Variants in ISG20L2 observed in about 807,000 individuals in gnomAD.
The protein encoded by ISG20L2 is interferon stimulated exonuclease gene 20 like 2.
In ISG20L2, 14 loss-of-function variants were observed where a neutral mutation model predicts 27.8. That is an observed-to-expected ratio of 0.50 (90% CI 0.33 to 0.79). The LOEUF (loss-of-function observed/expected upper bound fraction) is 0.79, where lower values mean the gene tolerates loss of function less well. Among genes scored for constraint, ISG20L2 ranks in the 30% least tolerant of loss-of-function variants. The pLI is 0.02. For synonymous variants in ISG20L2, 157 were observed against 165.7 expected, an observed-to-expected ratio of 0.95 and a Z score of 0.40; for missense variants, 393 against 435.1, an observed-to-expected ratio of 0.90 and a Z score of 0.86.
At chr1:156,728,262 C>T in intron 1 of ISG20L2, 153 bp downstream of exon 1, 1 of 986,046 alleles carries the variant, frequency 1.0e-6, no homozygotes, top group African/African-American at 1.7e-5. Context: ...GGGGCAATCT[C>T]CGCATGCATC....
intron 2 of ISG20L2, chr1:156,725,440 G>A (rs1248154695): frequency 3.9e-5 from 6 of 152,164 alleles, no homozygotes; most frequent in Admixed American, 1.3e-4. Context: ...GAGGACAACC[G>A]AAGAACACAC....
rs781698454 is a variant in ISG20L2 at position 156,727,568 on chromosome 1, CA to C, written c.84del (p.Phe28LeufsTer8). 8 of 1,614,064 alleles carry C rather than the reference CA, an allele frequency of 5.0e-6. No homozygotes were observed. The Admixed American group carries it at 1.0e-4, about 20-fold the overall frequency. On this transcript the variant is annotated frameshift_variant, in exon 2 of 4. Transcript: ENST00000368219. LOFTEE classifies it high-confidence loss of function. Reference protein sequence around the residue: ...ALEGNAKHRNFVKKRRLLERR... With the variant: ...ALEGNAKHRNXVKKRRLLERR... ...CGTTCTAAGAGCCTCCGCTTCTTGA[CA>C]AAATTTCGGTGCTTGGCATTTCCTT...
Position 156,728,533 on chromosome 1 carries a change from C to G in ISG20L2, c.-236G>C. 1 of 985,528 alleles carries G rather than the reference C, an allele frequency of 1.0e-6. No homozygotes were observed. The highest frequency in any genetic ancestry group is 1.2e-6 in the Non-Finnish European group (1 of 829,910). The allele number at this position is 985,528 out of a possible 1,614,324, so 61.0% of individuals were successfully genotyped here. A position where few individuals can be genotyped will look rare whatever the true frequency, so the allele number is the denominator to read the frequency against. ...TTAGAACGCGCCAGAGGTCGGCGCGCGCACACCCGCACCGCCCCGACCCCA... is the reference window on the plus strand; with the variant it reads ...TTAGAACGCGCCAGAGGTCGGCGCGGGCACACCCGCACCGCCCCGACCCCA... On this transcript the variant is annotated 5_prime_UTR_variant, in exon 1 of 4. Transcript: ENST00000368219.
intron 3 of ISG20L2, chr1:156,723,697 G>A (rs1648632116): frequency 4.1e-6 from 4 of 985,354 alleles, no homozygotes; most frequent in Non-Finnish European, 1.2e-6. Flanking sequence ...GTATGTATAA[G>A]CCATATTAGG....
chr1:156,727,086 T>C lies in ISG20L2; in HGVS notation c.567A>G (p.Thr189=), dbSNP rs1648810994. 1.2e-6 allele frequency: 2 copies of C among 1,614,236 alleles called. No homozygotes were observed. Among genetic ancestry groups the C allele is most frequent in the African/African-American group, 2.7e-5 (2 of 75,052 alleles). ...AGGAACTAACATGCCCCTTTGGTCC[T>C]GTGCCCACCATCTCACAGTCAATTG... ...MVAIDCEMVG[T]GPKGHVSSLA... Residue 189 remains threonine (T), a synonymous_variant, in exon 2 of 4, where the codon ACA becomes ACG. Transcript: ENST00000368219.
chr1:156,724,320 A>G lies in ISG20L2; in HGVS notation c.776T>C (p.Val259Ala), dbSNP rs1648663562. 3 of 1,612,618 alleles carry G rather than the reference A, an allele frequency of 1.9e-6. No individual in the cohort carries two copies. Among genetic ancestry groups the G allele is most frequent in the Non-Finnish European group, 2.5e-6 (3 of 1,178,772 alleles). The change falls in exon 3 of 4, where the codon GTG becomes GCG. Residue 259 changes from valine (V) to alanine (A), a missense_variant. By Grantham distance (64) the Val-to-Ala change is moderately conservative. Coordinates refer to ENST00000368219, the MANE Select transcript of ISG20L2 (RefSeq NM_001370150.2). Reference protein sequence around the residue: ...QILKILTGKIVVGHAIHNDFK... With the variant: ...QILKILTGKIAVGHAIHNDFK... ...GTCGTTGTGGATGGCATGCCCCACC[A>G]CTATCTTCCCTGTGAGTATCTTCAA...
rs1648874728 is a variant in ISG20L2, at chr1:156,727,877, T to C, written c.-117-108A>G. On this transcript the variant is annotated intron_variant, in intron 1 of 3. Transcript: ENST00000368219. Reference sequence around the variant, plus strand: ...GAAGGAAAGACATCAGAGCAATCTCTCAGACAGAGGGGAAATGAAAACATA... The same window carrying C: ...GAAGGAAAGACATCAGAGCAATCTCCCAGACAGAGGGGAAATGAAAACATA... 1.1e-5 allele frequency: 15 copies of C among 1,318,990 alleles called. No individual in the cohort carries two copies. In the South Asian group the frequency reaches 3.2e-4, roughly 28 times the overall value. The allele number at this position is 1,318,990 out of a possible 1,614,324, so 81.7% of individuals were successfully genotyped here. A position where few individuals can be genotyped will look rare whatever the true frequency, so the allele number is the denominator to read the frequency against.
intron 1 of ISG20L2, chr1:156,728,195 C>T: frequency 1.0e-6 from 1 of 986,146 alleles, no homozygotes; most frequent in Non-Finnish European, 1.2e-6. Flanking sequence ...GCAGCGTGGA[C>T]CACCAATAGA....
chr1:156,725,133 G>A (rs1162887275), intron 2 of ISG20L2: 1 of 152,114 alleles, frequency 6.6e-6, no homozygotes, highest in African/African-American at 2.4e-5. Context: ...TGTATTTTTA[G>A]TAGAGACGGA....
At chr1:156,726,134 T>C in intron 2 of ISG20L2, 1 of 985,456 alleles carries the variant, frequency 1.0e-6, no homozygotes, top group South Asian at 4.7e-5. Context: ...GTTTATGCCG[T>C]TCACTGGTTA....
Position 156,727,616 on chromosome 1 carries a change from G to T in ISG20L2, c.37C>A (p.Pro13Thr), listed in dbSNP as rs1344079129. 2 of 1,613,826 alleles carry T rather than the reference G, an allele frequency of 1.2e-6. No homozygotes were observed. Among genetic ancestry groups the T allele is most frequent in the Non-Finnish European group, 8.5e-7 (1 of 1,179,982 alleles). The change falls in exon 2 of 4, where the codon CCT (proline) becomes ACT (threonine). Residue 13 changes from proline (P) to threonine (T), a missense_variant. Physicochemically the swap from Pro to Thr is conservative, Grantham distance 38 (BLOSUM62 -1). This residue lies in a region of ISG20L2 where 183 missense variants were observed against 168.2 expected (regional missense o/e 1.09). Coordinates refer to ENST00000368219, the MANE Select transcript of ISG20L2 (RefSeq NM_001370150.2). Reference sequence around the variant, plus strand: ...CCTTCTAATGCCTTTTTGGGAGGAGGTTCCCCAAAATCCAGATTGAGCAGT... The same window carrying T: ...CCTTCTAATGCCTTTTTGGGAGGAGTTTCCCCAAAATCCAGATTGAGCAGT... ...TLLLNLDFGE[P>T]PPKKALEGNA... is the part of the protein sequence containing the mutation.
chr1:156,723,796 A>C, intron 3 of ISG20L2: 1 of 985,414 alleles, frequency 1.0e-6, no homozygotes, highest in Non-Finnish European at 1.2e-6. Flanking sequence ...TATGTGACAT[A>C]TGTCCCCATC....
At position 156,724,245 on chromosome 1, in the gene ISG20L2, G is replaced by A. The variant is rs1648659038; in HGVS notation, c.851C>T (p.Ser284Phe). 3 of 1,614,012 alleles carry A rather than the reference G, an allele frequency of 1.9e-6. No homozygotes were observed. Among genetic ancestry groups the A allele is most frequent in the Admixed American group, 1.7e-5 (1 of 60,000 alleles). ...CTTCCGGTTGAGGGGGGGGATATGG[G>A]AGGTGTCACGGGTGAGGGACTTGGG... is the stretch of plus-strand genomic sequence containing the variant. ...FHPKSLTRDTSHIPPLNRKAD... is the reference protein window; with the variant it reads ...FHPKSLTRDTFHIPPLNRKAD... Residue 284 changes from serine (S) to phenylalanine (F), a missense_variant, in exon 3 of 4, where the codon TCC (serine) becomes TTC (phenylalanine). Physicochemically the swap from Ser to Phe is radical, Grantham distance 155 (BLOSUM62 -2). This residue lies in a region of ISG20L2 where 171 missense variants were observed against 195.3 expected (regional missense o/e 0.88). Coordinates refer to ENST00000368219, the MANE Select transcript of ISG20L2 (RefSeq NM_001370150.2).
At chr1:156,726,883 C>A (rs763930793) in intron 2 of ISG20L2, 23 bp downstream of exon 2, 1 of 1,595,656 alleles carries the variant, frequency 6.3e-7, no homozygotes, top group South Asian at 1.1e-5. Context: ...CTCCCTGCCA[C>A]CATCAAGCCC....
At chr1:156,726,793 C>T in intron 2 of ISG20L2, 113 bp downstream of exon 2, 1 of 1,495,056 alleles carries the variant, frequency 6.7e-7, no homozygotes, top group Non-Finnish European at 8.9e-7. Flanking sequence ...ATAGATTCTC[C>T]TCCCTCCCTC....
chr1:156,727,467 C>T lies in ISG20L2; in HGVS notation c.186G>A (p.Gly62=). The T allele has an allele frequency of 6.2e-7, 1 of 1,613,894 alleles. No individual in the cohort carries two copies. Among genetic ancestry groups the T allele is most frequent in the Non-Finnish European group, 8.5e-7 (1 of 1,179,978 alleles). The change falls in exon 2 of 4, where the codon GGG becomes GGA. Residue 62 remains glycine, a synonymous_variant. Transcript: ENST00000368219. The part of the protein sequence containing the change: ...PKLHSEPSKK[G]ETPTVDGTWK... ...AAGTGCCATCGACCGTAGGAGTTTC[C>T]CCTTTCTTTGAAGGTTCAGAGTGCA...
In ISG20L2 at chr1:156,723,488, A is replaced by G. The variant is rs369209357; in HGVS notation, c.949-26T>C. 6.8e-6 allele frequency: 11 copies of G among 1,613,748 alleles called. No homozygotes were observed. The African/African-American group carries it at 1.5e-4, about 22-fold the overall frequency. ...CTGAGCAAGCAAGGAAGACAAGAGC[A>G]TGAAGAGAAAAGAAACCGTTTCTTC... On this transcript the variant is annotated intron_variant, in intron 3 of 3. Transcript: ENST00000368219.
chr1:156,724,462 C>A, intron 2 of ISG20L2, 114 bp from the exon 3 acceptor site: 1 of 1,384,520 alleles, frequency 7.2e-7, no homozygotes, highest in Non-Finnish European at 9.6e-7. Context: ...CAACTGCCTA[C>A]CTCTCCATCC....
rs777252138 is a variant in ISG20L2 at position 156,723,308 on chromosome 1, G to T, written c.*41C>A. ...GTCCACTGCCCTGTTTCTCCTGGGT[G>T]CTGCCTCTGCCTCCTCATATCACCA... On this transcript the variant is annotated 3_prime_UTR_variant, in exon 4 of 4. Transcript: ENST00000368219. 6.2e-7 allele frequency: 1 copy of T among 1,612,122 alleles called. No homozygotes were observed. Among genetic ancestry groups the T allele is most frequent in the Non-Finnish European group, 8.5e-7 (1 of 1,178,940 alleles).
Sources: gnomAD v4.1 joint callset for allele counts on GRCh38, gnomAD v4.1.1 for gene constraint, gnomAD v4.1.1 regional missense constraint, MANE v1.5 for transcripts, NCBI Gene and HGNC (gene_info 2026-07-23, HGNC 2026-07-21) for gene names.